ZBTB20: variants seen among roughly 807,000 people sequenced by gnomAD.
ZBTB20 encodes zinc finger and BTB domain containing 20, also known as zinc finger and BTB domain-containing protein 20.
In ZBTB20, 9 loss-of-function variants were observed where a neutral mutation model predicts 56.9. The ratio of observed to expected loss-of-function variants is 0.16; its 90% confidence interval spans 0.10 to 0.28. The LOEUF (loss-of-function observed/expected upper bound fraction) is 0.28, where lower values mean the gene tolerates loss of function less well. Among genes scored for constraint, ZBTB20 ranks in the 10% least tolerant of loss-of-function variants. The probability of loss-of-function intolerance (pLI) is 1.00; values close to 1 mark genes in which losing one functional copy is unlikely to be tolerated. For missense variants in ZBTB20, 655 were observed against 1,003.0 expected, an observed-to-expected ratio of 0.65 and a Z score of 4.69; for synonymous variants, 417 against 420.7, an observed-to-expected ratio of 0.99 and a Z score of 0.11.
At chr3:114,475,189 A>G (rs1041542220) in intron 7 of ZBTB20, among the ~76,000 whole-genome samples, 1 of 152,092 alleles carries the variant, frequency 6.6e-6, no homozygotes, top group East Asian at 1.9e-4. Flanking sequence ...TGCTTTTCTC[A>G]TGATAGAGTA....
At position 114,351,209 on chromosome 3, in the gene ZBTB20, C is replaced by G; in HGVS notation, c.869G>C (p.Arg290Pro). 1 of 1,601,876 alleles carries G rather than the reference C, an allele frequency of 6.2e-7. No homozygotes were observed. Among genetic ancestry groups the G allele is most frequent in the Non-Finnish European group, 8.5e-7 (1 of 1,179,476 alleles). Residue 290 changes from arginine to proline, a missense_variant, in exon 11 of 12, where the codon CGC becomes CCC. Arg to Pro is a moderately radical substitution (Grantham distance 103). Coordinates refer to ENST00000675478, the MANE Select transcript of ZBTB20 (RefSeq NM_001348800.3). ...HHMEDPSWIT[R>P]IHERSQQMER... Reference sequence around the variant, plus strand: ...CATCTGCTGCGAGCGCTCATGGATGCGTGTGATCCAGCTGGGGTCTTCCAT... The same window carrying G: ...CATCTGCTGCGAGCGCTCATGGATGGGTGTGATCCAGCTGGGGTCTTCCAT...
At chr3:114,724,580 C>T (rs776379813) in intron 5 of ZBTB20, among the ~76,000 whole-genome samples, 10 of 152,166 alleles carry the variant, frequency 6.6e-5, no homozygotes, top group Non-Finnish European at 1.3e-4. Flanking sequence ...CTTCTCTAAG[C>T]CTTAATTATC....
intron 2 of ZBTB20, among the ~76,000 whole-genome samples, chr3:115,022,323 C>A (rs1490503176): frequency 6.6e-6 from 1 of 150,854 alleles, no homozygotes; most frequent in African/African-American, 2.4e-5. Flanking sequence ...AAAATTTATG[C>A]AACCAAAATG....
chr3:114,346,405 A>G (rs2080189388), intron 11 of ZBTB20, among the ~76,000 whole-genome samples: 1 of 151,944 alleles, frequency 6.6e-6, no homozygotes, highest in South Asian at 2.1e-4. Context: ...ATACGTTTAC[A>G]TCAAAAGGCA....
At chr3:114,505,638 G>A (rs1169651011) in intron 6 of ZBTB20, among the ~76,000 whole-genome samples, 2 of 152,104 alleles carry the variant, frequency 1.3e-5, no homozygotes, top group African/African-American at 2.4e-5. Context: ...TAGAGATAAT[G>A]TTTTAACATC....
chr3:114,527,264 C>T (rs888140330), intron 6 of ZBTB20: 109 of 152,176 alleles, frequency 7.2e-4, no homozygotes, highest in African/African-American at 2.4e-3. Flanking sequence ...GGGAGTCTCA[C>T]AGGAGGGCAA....
intron 5 of ZBTB20, among the ~76,000 whole-genome samples, chr3:114,749,480 G>A (rs752989300): frequency 1.1e-4 from 16 of 151,970 alleles, no homozygotes; most frequent in Non-Finnish European, 2.2e-4. Flanking sequence ...TTGAACCCAG[G>A]AGGCGGAGCT....
chr3:115,088,663 T>C (rs1273806993), intron 1 of ZBTB20, among the ~76,000 whole-genome samples: 1 of 151,908 alleles, frequency 6.6e-6, no homozygotes, highest in East Asian at 1.9e-4. Context: ...TGAGAAATTG[T>C]ACAAGTTTGC....
intron 2 of ZBTB20, among the ~76,000 whole-genome samples, chr3:115,006,108 A>G (rs2108237084): frequency 6.6e-6 from 1 of 151,588 alleles, no homozygotes; most frequent in South Asian, 2.1e-4. Flanking sequence ...GGATTTCTGC[A>G]TCACTGGATC....
chr3:114,928,325 A>T (rs1024844508), intron 3 of ZBTB20, among the ~76,000 whole-genome samples: 4 of 150,674 alleles, frequency 2.7e-5, no homozygotes, highest in Admixed American at 6.6e-5. Context: ...TCAATGATGG[A>T]GAACCTCAAG....
chr3:114,390,789 A>G (rs527906566), intron 7 of ZBTB20, among the ~76,000 whole-genome samples: 1 of 152,356 alleles, frequency 6.6e-6, no homozygotes, highest in East Asian at 1.9e-4. Context: ...ACCTGGATGA[A>G]TACAACAGGG....
chr3:115,087,571 C>A (rs1449390283), intron 1 of ZBTB20, among the ~76,000 whole-genome samples: 3 of 151,846 alleles, frequency 2.0e-5, no homozygotes, highest in African/African-American at 7.2e-5. Flanking sequence ...AGGAGAGCAT[C>A]TTTATCAGCA....
chr3:114,421,184 CA>C (rs1326198087), intron 7 of ZBTB20, among the ~76,000 whole-genome samples: 3 of 151,996 alleles, frequency 2.0e-5, no homozygotes, highest in Non-Finnish European at 2.9e-5. Flanking sequence ...TACTTTTTGC[CA>C]GCTCACTATG....
intron 6 of ZBTB20, chr3:114,623,980 T>C (rs1361272317): frequency 6.6e-6 from 1 of 152,240 alleles, no homozygotes; most frequent in Non-Finnish European, 1.5e-5. Flanking sequence ...CATCATTCCA[T>C]TTGACTGTTT....
intron 8 of ZBTB20, chr3:114,387,974 C>A (rs2085366081): frequency 6.6e-6 from 1 of 152,198 alleles, no homozygotes; most frequent in African/African-American, 2.4e-5. Context: ...AAAAGCAACA[C>A]AAAATAAAGC....
At chr3:115,146,851 G>A (rs1224883603) in intron 1 of ZBTB20, among the ~76,000 whole-genome samples, 1 of 152,022 alleles carries the variant, frequency 6.6e-6, no homozygotes, top group African/African-American at 2.4e-5. Flanking sequence ...AGAGAAGAAG[G>A]CAGAAGACAC....
Position 114,380,242 on chromosome 3 carries a change from A to G in ZBTB20, c.174T>C (p.Ser58=). Residue 58 remains serine, a synonymous_variant, in exon 10 of 12, where the codon TCT becomes TCC. Coordinates refer to ENST00000675478, the MANE Select transcript of ZBTB20 (RefSeq NM_001348800.3). Reference sequence around the variant, plus strand: ...AATCAGATGACCCGGTGTGAGCGTGAGAGTTTGTCAGTGAATGTGTTGAGT... The same window carrying G: ...AATCAGATGACCCGGTGTGAGCGTGGGAGTTTGTCAGTGAATGTGTTGAGT... The part of the protein sequence containing the change: ...LIHSTHSLTN[S]HAHTGSSDCD... The G allele has an allele frequency of 1.3e-6, 2 of 1,536,944 alleles. No homozygotes were observed. Among genetic ancestry groups the G allele is most frequent in the Non-Finnish European group, 1.7e-6 (2 of 1,146,752 alleles).
Position 114,494,030 on chromosome 3 carries a change from T to C in ZBTB20, c.-255+6322A>G, listed in dbSNP as rs574181945. On this transcript the variant is annotated intron_variant, in intron 7 of 11. Transcript: ENST00000675478. ...GTTCTTATAAAATAAATCAAACATG[T>C]TAAATCTCAGTTTTCTGATCTGCAC... 2.0e-5 allele frequency among the ~76,000 whole-genome samples: 3 copies of C among 152,332 alleles called. No homozygotes were observed. The East Asian group carries it at 5.8e-4, about 29-fold the overall frequency.
intron 5 of ZBTB20, among the ~76,000 whole-genome samples, chr3:114,795,821 T>G (rs1428676264): frequency 6.6e-6 from 1 of 152,158 alleles, no homozygotes; most frequent in Non-Finnish European, 1.5e-5. Context: ...TCTATATTTC[T>G]ACTATTAAAT....
Sources: allele counts gnomAD v4.1 joint callset (sites outside exome capture counted in the v4.1 genomes callset), GRCh38; gene constraint gnomAD v4.1.1; transcripts MANE v1.5; gene names NCBI Gene and HGNC (gene_info 2026-07-23, HGNC 2026-07-21).